Variants in GRK5 observed in about 807,000 individuals in gnomAD.
The protein encoded by GRK5 is g protein-coupled receptor kinase GRK5.
GRK5 carries 40 observed loss-of-function variants against 78.4 expected under a neutral mutation model. The ratio of observed to expected loss-of-function variants is 0.51; its 90% CI spans 0.40 to 0.66. The LOEUF (loss-of-function observed/expected upper bound fraction) is 0.66. Ranked by LOEUF, GRK5 falls within the 30% of genes least tolerant of loss-of-function variation. The pLI is 0.00. For synonymous variants in GRK5, 289 were observed against 296.8 expected, an observed-to-expected ratio of 0.97 and a Z score of 0.27; for missense variants, 598 against 759.9, an observed-to-expected ratio of 0.79 and a Z score of 2.50.
intron 6 of GRK5, among the ~76,000 whole-genome samples, chr10:119,427,569 T>G (rs1852720313): frequency 6.6e-6 from 1 of 151,580 alleles, no homozygotes; most frequent in Non-Finnish European, 1.5e-5. Flanking sequence ...ACCGCCATCA[T>G]CAGCATCACC....
chr10:119,320,254 G>A (rs1434483655), intron 1 of GRK5, among the ~76,000 whole-genome samples: 1 of 152,250 alleles, frequency 6.6e-6, no homozygotes, highest in Non-Finnish European at 1.5e-5. Flanking sequence ...AGTGGACCAA[G>A]AAGAAGGTGA....
At chr10:119,337,616 C>A (rs541843026) in intron 2 of GRK5, among the ~76,000 whole-genome samples, 10 of 152,038 alleles carry the variant, frequency 6.6e-5, no homozygotes, top group African/African-American at 1.9e-4. Flanking sequence ...GTTTCCCCCC[C>A]ACTTTTTTCT....
At chr10:119,399,586 C>A (rs545825982) in intron 4 of GRK5, among the ~76,000 whole-genome samples, 1 of 152,318 alleles carries the variant, frequency 6.6e-6, no homozygotes, top group South Asian at 2.1e-4. Flanking sequence ...TGAAAAAGAA[C>A]CCTCAGTGGT....
chr10:119,307,924 T>A (rs998891777), intron 1 of GRK5, among the ~76,000 whole-genome samples: 35 of 152,120 alleles, frequency 2.3e-4, no homozygotes, highest in African/African-American at 8.2e-4. Flanking sequence ...CAGCTTGCTC[T>A]GTTGTGTCAC....
chr10:119,253,678 C>T lies in GRK5; in HGVS notation c.52+45709C>T, dbSNP rs1429402783. Reference sequence around the variant, plus strand: ...TTTTTCACTGTGGCTCTGGGCAGCCCAGCCCAGCTCCGGGGTGGATGCAAG... The same window carrying T: ...TTTTTCACTGTGGCTCTGGGCAGCCTAGCCCAGCTCCGGGGTGGATGCAAG... On this transcript the variant is annotated intron_variant, in intron 1 of 15. Transcript: ENST00000392870. The surrounding 1 kb of genome is among the most constrained non-coding windows in gnomAD (Gnocchi z 5.7). 1.3e-5 allele frequency among the ~76,000 whole-genome samples: 2 copies of T among 152,176 alleles called. No individual in the cohort carries two copies. The highest frequency in any genetic ancestry group is 4.8e-5 in the African/African-American group (2 of 41,444).
chr10:119,448,339 G>A (rs767635007), intron 13 of GRK5, 79 bp downstream of exon 13: 88 of 1,475,270 alleles, frequency 6.0e-5, no homozygotes, highest in Non-Finnish European at 8.0e-5. Context: ...CTCACAGTGA[G>A]CTGGTGCAGA....
intron 2 of GRK5, among the ~76,000 whole-genome samples, chr10:119,353,228 CA>C (rs1211062770): frequency 6.6e-6 from 1 of 152,078 alleles, no homozygotes; most frequent in Non-Finnish European, 1.5e-5. Flanking sequence ...AAATGGGAGC[CA>C]GGGGTGGGAT....
chr10:119,327,567 C>T (rs111912654), intron 2 of GRK5, among the ~76,000 whole-genome samples: 18 of 152,334 alleles, frequency 1.2e-4, no homozygotes, highest in Admixed American at 9.1e-4. Context: ...CCCAGGGCCT[C>T]GGGTGAGCTG....
At chr10:119,311,919 T>C (rs933885369) in intron 1 of GRK5, among the ~76,000 whole-genome samples, 106 of 150,598 alleles carry the variant, frequency 7.0e-4, no homozygotes, top group African/African-American at 2.3e-3. Context: ...TGTTCATTTT[T>C]TTTTTTTTTT....
intron 2 of GRK5, among the ~76,000 whole-genome samples, chr10:119,346,850 T>C (rs1851103781): frequency 1.3e-5 from 2 of 152,178 alleles, no homozygotes; most frequent in Admixed American, 6.5e-5. Context: ...CCTCCAACAG[T>C]GGTCCCCTCT....
intron 4 of GRK5, among the ~76,000 whole-genome samples, chr10:119,421,176 G>T (rs1852563101): frequency 6.6e-6 from 1 of 152,240 alleles, no homozygotes; most frequent in Admixed American, 6.5e-5. Flanking sequence ...CAGGCCTTGG[G>T]CCCTCCTGGA....
chr10:119,224,574 T>A (rs1848705817), intron 1 of GRK5, among the ~76,000 whole-genome samples: 1 of 151,980 alleles, frequency 6.6e-6, no homozygotes, highest in Non-Finnish European at 1.5e-5. Context: ...CATGCCCGGC[T>A]AACTTTTGCA....
At chr10:119,370,923 T>C (rs1264697118) in intron 2 of GRK5, among the ~76,000 whole-genome samples, 1 of 151,848 alleles carries the variant, frequency 6.6e-6, no homozygotes, top group Non-Finnish European at 1.5e-5. Flanking sequence ...CTTCAGTTGG[T>C]GGAGAGATGG....
chr10:119,352,539 A>T (rs1011056272), intron 2 of GRK5, among the ~76,000 whole-genome samples: 2 of 152,080 alleles, frequency 1.3e-5, no homozygotes, highest in African/African-American at 4.8e-5. Context: ...TGTAAAGGAG[A>T]CTGCAGTTGA....
chr10:119,458,287 G>T lies in GRK5; in HGVS notation c.*3220G>T, dbSNP rs1395024866. 1 of 152,242 alleles carries T rather than the reference G, an allele frequency of 6.6e-6. No individual in the cohort carries two copies. The highest frequency in any genetic ancestry group is 2.4e-5 in the African/African-American group (1 of 41,464). The allele number at this position is 152,242 out of a possible 1,614,324, so 9.4% of individuals were successfully genotyped here. ...GTGGACAGAGGCGGTCTCTGCCATG[G>T]TCACCATGATGCCCTACAAGTGTTT... On this transcript the variant is annotated 3_prime_UTR_variant, in exon 16 of 16. Transcript: ENST00000392870.
At chr10:119,438,148 T>C (rs1203774366) in intron 9 of GRK5, among the ~76,000 whole-genome samples, 1 of 152,148 alleles carries the variant, frequency 6.6e-6, no homozygotes, top group Non-Finnish European at 1.5e-5. Context: ...GTAGATCTCA[T>C]TTCTAATCAG....
chr10:119,413,570 C>G (rs905166575), intron 4 of GRK5, among the ~76,000 whole-genome samples: 1 of 151,998 alleles, frequency 6.6e-6, no homozygotes, highest in Non-Finnish European at 1.5e-5. Flanking sequence ...CTAAGCGTTC[C>G]GTCTGCGGGC....
intron 3 of GRK5, among the ~76,000 whole-genome samples, chr10:119,386,577 C>T (rs900359662): frequency 4.6e-5 from 7 of 152,278 alleles, no homozygotes; most frequent in Admixed American, 2.0e-4. Context: ...TGTGTCAGCA[C>T]GTCAAATGCT....
chr10:119,251,146 C>T (rs573372660), intron 1 of GRK5, among the ~76,000 whole-genome samples: 12 of 151,850 alleles, frequency 7.9e-5, no homozygotes, highest in East Asian at 1.9e-4. Flanking sequence ...AACAACAAAA[C>T]GCTGCTTGCT....
Sources: gnomAD v4.1 joint callset for allele counts (sites outside exome capture counted in the v4.1 genomes callset) on GRCh38, gnomAD v4.1.1 for gene constraint, Gnocchi (gnomAD v3.1) non-coding constraint, MANE v1.5 for transcripts, NCBI Gene and HGNC (gene_info 2026-07-23, HGNC 2026-07-21) for gene names.